The following DPH6 variants were observed in gnomAD, a reference collection of about 807,000 sequenced individuals.
DPH6 encodes diphthine--ammonia ligase.
A neutral mutation model predicts 38.2 loss-of-function variants in DPH6; 33 were observed. The observed-to-expected ratio is 0.86, with a 90% CI of 0.65 to 1.15. The LOEUF (loss-of-function observed/expected upper bound fraction) is 1.15, where lower values mean the gene tolerates loss of function less well. Among genes scored for constraint, DPH6 ranks in the 50% most tolerant of loss-of-function variants. The pLI, the probability that DPH6 is intolerant of heterozygous loss-of-function variation, is 0.00. For synonymous variants in DPH6, 108 were observed against 103.0 expected (o/e 1.05, Z -0.30); for missense variants, 325 against 320.0 (o/e 1.02, Z -0.12).
At chr15:35,338,990 C>G (rs926957803) in intron 3 of DPH6, among the ~76,000 whole-genome samples, 7 of 151,456 alleles carry the variant, frequency 4.6e-5, no homozygotes, top group Non-Finnish European at 7.4e-5. Flanking sequence ...AATGAGAACA[C>G]TTGGACACAG....
rs930827596 is a variant in DPH6 at position 35,298,500 on chromosome 15, C to T, written n.200+75021G>A. The T allele has an allele frequency of 6.6e-5, 51 of 775,196 alleles. No individual in the cohort carries two copies. In the East Asian group the frequency reaches 9.3e-4, roughly 14 times the overall value. The allele number at this position is 775,196 out of a possible 1,614,324, so 48.0% of individuals were successfully genotyped here. A position where few individuals can be genotyped will look rare whatever the true frequency, so the allele number is the denominator to read the frequency against. The stretch of plus-strand genomic sequence containing the variant: ...GTTTTAACTTCCAAGTCTTCATCCA[C>T]CTTTCCCGCACCAACCATGTTCCTT... On this transcript the variant is annotated intron_variant and non_coding_transcript_variant, in intron 3 of 3. Coordinates refer to the DPH6 transcript ENST00000560386.
rs73393344 is a variant in DPH6 at position 35,314,935 on chromosome 15, A to G, written n.200+58586T>C. Among the ~76,000 whole-genome samples the G allele has an allele frequency of 6.3e-3, 953 of 151,302 alleles. 12 individuals carry two copies. Among genetic ancestry groups the G allele is most frequent in the African/African-American group, 0.022 (916 of 41,402 alleles). ...GCTCCAAAGCCACTTCCTACAGCCA[A>G]ACTTGCACCAAAAAAAGGTCACGGT... On this transcript the variant is annotated intron_variant and non_coding_transcript_variant, in intron 3 of 3. Transcript: ENST00000560386.
chr15:35,486,455 G>A (rs531213524), intron 3 of DPH6, among the ~76,000 whole-genome samples: 2 of 152,206 alleles, frequency 1.3e-5, no homozygotes, highest in African/African-American at 4.8e-5. Context: ...AAGGCAAAGG[G>A]GAAGCAAGGC....
the DPH6 span, among the ~76,000 whole-genome samples, chr15:35,204,741 A>G: frequency 2.6e-4 from 39 of 151,892 alleles, no homozygotes; most frequent in Non-Finnish European, 5.3e-4. Flanking sequence ...GAAGTGATAT[A>G]ACATAGTCTC....
the DPH6 span, among the ~76,000 whole-genome samples, chr15:35,178,378 G>A: frequency 6.6e-6 from 1 of 152,174 alleles, no homozygotes; most frequent in African/African-American, 2.4e-5. Context: ...GCAATGAGAA[G>A]CAAAGTCATG....
At chr15:35,204,069 C>T in the DPH6 span, among the ~76,000 whole-genome samples, 1 of 151,664 alleles carries the variant, frequency 6.6e-6, no homozygotes, top group Non-Finnish European at 1.5e-5. Flanking sequence ...AACTTGAAAA[C>T]ATTTTTTCTT....
At chr15:35,425,814 T>C (rs973088182) in intron 5 of DPH6, among the ~76,000 whole-genome samples, 3 of 146,674 alleles carry the variant, frequency 2.0e-5, no homozygotes, top group African/African-American at 7.6e-5. Context: ...ACATGACATA[T>C]ATATATATAT....
At chr15:35,251,153 C>T (rs1167011652) in intron 3 of DPH6, among the ~76,000 whole-genome samples, 1 of 152,136 alleles carries the variant, frequency 6.6e-6, no homozygotes, top group Non-Finnish European at 1.5e-5. Flanking sequence ...CATGCCAGTC[C>T]TGTCCTTGGT....
intron 3 of DPH6, among the ~76,000 whole-genome samples, chr15:35,312,303 AGCCAGT>A (rs2052150268): frequency 6.6e-6 from 1 of 152,208 alleles, no homozygotes; most frequent in Non-Finnish European, 1.5e-5. Flanking sequence ...GTAGGCAGAA[AGCCAGT>A]GAAGGACTGA....
the DPH6 span, among the ~76,000 whole-genome samples, chr15:35,211,142 G>C: frequency 1.3e-5 from 2 of 151,682 alleles, no homozygotes; most frequent in Non-Finnish European, 2.9e-5. Context: ...ATAAAACCCT[G>C]TTTTTTCACT....
chr15:35,262,705 C>CAAAAAAAAAAAAAAAAAAAAAAAAA (rs58580024), intron 3 of DPH6, among the ~76,000 whole-genome samples: 2 of 82,632 alleles, frequency 2.4e-5, no homozygotes, highest in African/African-American at 1.3e-4. Context: ...GACTCCGTCT[C>CAAAAAAAAAAAAAAAAAAAAAAAAA]AAAAAAAAAA....
chr15:35,546,004 C>T, intron 1 of DPH6, 115 bp downstream of exon 1: 1 of 987,728 alleles, frequency 1.0e-6, no homozygotes. Context: ...GGAGGAGCCG[C>T]GGAACCCCCA....
At chr15:35,191,657 T>C in the DPH6 span, among the ~76,000 whole-genome samples, 1 of 152,328 alleles carries the variant, frequency 6.6e-6, no homozygotes, top group African/African-American at 2.4e-5. Context: ...ATAGTTACTG[T>C]TTTTTGAATA....
At chr15:35,259,032 G>A (rs767429877) in intron 3 of DPH6, among the ~76,000 whole-genome samples, 8 of 151,516 alleles carry the variant, frequency 5.3e-5, no homozygotes, top group Non-Finnish European at 4.4e-5. Context: ...CTGTAATCCC[G>A]CTACTGGGGA....
chr15:35,413,821 T>C (rs1276497866), intron 5 of DPH6, among the ~76,000 whole-genome samples: 1 of 151,674 alleles, frequency 6.6e-6, no homozygotes, highest in African/African-American at 2.4e-5. Context: ...AAGCTTTATA[T>C]ATTTTTCTTT....
At chr15:35,390,478 C>G (rs993509296) in intron 6 of DPH6, among the ~76,000 whole-genome samples, 1 of 152,328 alleles carries the variant, frequency 6.6e-6, no homozygotes, top group East Asian at 1.9e-4. Context: ...TTCAGGTACA[C>G]CAATTAGACG....
intron 5 of DPH6, among the ~76,000 whole-genome samples, chr15:35,423,617 C>G (rs1469767137): frequency 5.3e-5 from 8 of 151,536 alleles, no homozygotes; most frequent in African/African-American, 1.9e-4. Flanking sequence ...AATCATTGTC[C>G]AGTCCAATGA....
chr15:35,411,401 A>G lies in DPH6; in HGVS notation c.506-505T>C, dbSNP rs573176802. Among the ~76,000 whole-genome samples the G allele has an allele frequency of 7.2e-5, 11 of 151,896 alleles. No individual in the cohort carries two copies. In the South Asian group the frequency reaches 2.1e-3, roughly 29 times the overall value. On this transcript the variant is annotated intron_variant, in intron 5 of 8. Transcript: ENST00000256538. ...TAACAGTGGCATATGGGCACAAATA[A>G]TTGCATTATTAAATTAAATGACATT...
intron 3 of DPH6, among the ~76,000 whole-genome samples, chr15:35,302,567 G>C (rs910514219): frequency 1.3e-5 from 2 of 152,126 alleles, no homozygotes; most frequent in African/African-American, 4.8e-5. Context: ...GATAAAAGCA[G>C]CATTTTAATA....
Sources: allele counts gnomAD v4.1 joint callset (sites outside exome capture counted in the v4.1 genomes callset), GRCh38; gene constraint gnomAD v4.1.1; transcripts MANE v1.5; gene names NCBI Gene and HGNC (gene_info 2026-07-23, HGNC 2026-07-21).